SSPN: variants seen among roughly 807,000 people sequenced by gnomAD.
The protein encoded by SSPN is K-ras oncogene-associated protein.
A neutral mutation model predicts 19.1 loss-of-function variants in SSPN; 15 were observed. That is an observed-to-expected ratio of 0.78 (90% CI 0.52 to 1.21). SSPN has a LOEUF of 1.21. Ranked by LOEUF, SSPN falls within the 50% of genes most tolerant of loss-of-function variation. The probability of loss-of-function intolerance (pLI) is 0.00; values close to 1 mark genes in which losing one functional copy is unlikely to be tolerated. For synonymous variants in SSPN, 147 were observed against 140.3 expected (o/e 1.05, Z -0.34); for missense variants, 291 against 314.0 (o/e 0.93, Z 0.55).
intron 1 of SSPN, 48 bp from the exon 2 acceptor site, chr12:26,224,245 G>A (rs750672202): frequency 8.1e-6 from 11 of 1,352,546 alleles, no homozygotes; most frequent in East Asian, 4.6e-5. Context: ...TCATTTGAAC[G>A]CACAACGTAC....
intron 1 of SSPN, among the ~76,000 whole-genome samples, chr12:26,140,558 C>CG (rs1236323067): frequency 2.0e-5 from 3 of 152,114 alleles, no homozygotes; most frequent in Non-Finnish European, 4.4e-5. Flanking sequence ...AAAGGGGCCG[C>CG]GGGGGAAGTG....
intron 1 of SSPN, chr12:26,134,844 C>T (rs1451008890): frequency 6.6e-6 from 1 of 152,150 alleles, no homozygotes; most frequent in African/African-American, 2.4e-5. Context: ...AAGTAGGTAC[C>T]ATGAAGGATC....
intron 1 of SSPN, among the ~76,000 whole-genome samples, chr12:26,215,075 G>A (rs529918055): frequency 6.6e-6 from 1 of 152,142 alleles, no homozygotes. Context: ...CTGTGCCTCA[G>A]TTCCTCTGGG....
At chr12:26,156,395 T>G (rs1565674034) in intron 1 of SSPN, among the ~76,000 whole-genome samples, 1 of 151,924 alleles carries the variant, frequency 6.6e-6, no homozygotes. Flanking sequence ...CCTCGAATGG[T>G]GGGGTAAAGA....
At chr12:26,151,852 G>C (rs1410986510) in intron 1 of SSPN, among the ~76,000 whole-genome samples, 1 of 152,096 alleles carries the variant, frequency 6.6e-6, no homozygotes, top group Non-Finnish European at 1.5e-5. Context: ...CTGCGTGGTA[G>C]AAAATAAAAA....
intron 1 of SSPN, among the ~76,000 whole-genome samples, chr12:26,176,478 G>T (rs577422428): frequency 1.2e-4 from 19 of 152,148 alleles, no homozygotes; most frequent in Non-Finnish European, 2.2e-4. Flanking sequence ...AAATAAAGAT[G>T]TTCAAACACT....
At chr12:26,175,700 G>T (rs1317272498) in intron 1 of SSPN, among the ~76,000 whole-genome samples, 1 of 152,054 alleles carries the variant, frequency 6.6e-6, no homozygotes, top group East Asian at 1.9e-4. Context: ...TCAACTGTGA[G>T]ATATGAATCT....
intron 1 of SSPN, among the ~76,000 whole-genome samples, chr12:26,135,773 C>A (rs1468927042): frequency 6.6e-6 from 1 of 152,226 alleles, no homozygotes; most frequent in African/African-American, 2.4e-5. Context: ...AAGCCATCAG[C>A]AGGCCTGGGT....
chr12:26,137,646 A>ATG (rs1193359140), intron 1 of SSPN, among the ~76,000 whole-genome samples: 9 of 38,300 alleles, frequency 2.3e-4, no homozygotes, highest in Non-Finnish European at 4.2e-4. Flanking sequence ...GTATATATAT[A>ATG]TATATATATA....
At chr12:26,214,070 C>T (rs1945021028) in intron 1 of SSPN, among the ~76,000 whole-genome samples, 1 of 152,124 alleles carries the variant, frequency 6.6e-6, no homozygotes, top group African/African-American at 2.4e-5. Context: ...AATTTGAGCA[C>T]AGTTTGAGTT....
chr12:26,138,286 C>G (rs545744407), intron 1 of SSPN, among the ~76,000 whole-genome samples: 2 of 152,316 alleles, frequency 1.3e-5, no homozygotes, highest in African/African-American at 4.8e-5. Flanking sequence ...AGAGGGCCAA[C>G]TGTATTTAAA....
chr12:26,231,356 C>CACTGT lies in SSPN; in HGVS notation c.*281_*282insCTGTA. ...AAAGAATGGCATAGATCTATCTTTA[C>CACTGT]AGTCTGGAGTTAATTCCTGTTAACT... On this transcript the variant is annotated 3_prime_UTR_variant, in exon 3 of 3. Transcript: ENST00000242729. 1 of 329,684 alleles carries CACTGT rather than the reference C, an allele frequency of 3.0e-6. No homozygotes were observed. Among genetic ancestry groups the CACTGT allele is most frequent in the South Asian group, 4.8e-5 (1 of 20,710 alleles). The allele number at this position is 329,684 out of a possible 1,614,324, so 20.4% of individuals were successfully genotyped here.
intron 1 of SSPN, among the ~76,000 whole-genome samples, chr12:26,150,214 C>G (rs1038909044): frequency 2.0e-5 from 3 of 152,182 alleles, no homozygotes; most frequent in Non-Finnish European, 4.4e-5. Flanking sequence ...TCCGGAGCAG[C>G]TTGGGGGTGC....
intron 1 of SSPN, among the ~76,000 whole-genome samples, chr12:26,155,036 C>T (rs2137418917): frequency 6.6e-6 from 1 of 152,248 alleles, no homozygotes; most frequent in South Asian, 2.1e-4. Flanking sequence ...AGATCTCTAT[C>T]AGACTACTAG....
At chr12:26,150,069 C>T (rs1299760049) in intron 1 of SSPN, among the ~76,000 whole-genome samples, 1 of 152,108 alleles carries the variant, frequency 6.6e-6, no homozygotes, top group Non-Finnish European at 1.5e-5. Flanking sequence ...TGTTTCTGGC[C>T]GACTGAACAC....
chr12:26,123,227 C>A, intron 1 of SSPN: 7 of 1,512,112 alleles, frequency 4.6e-6, no homozygotes, highest in Non-Finnish European at 6.2e-6. Flanking sequence ...AAGAAACATA[C>A]CCACGTTAAA....
chr12:26,152,786 A>G (rs1944533102), intron 1 of SSPN, among the ~76,000 whole-genome samples: 1 of 152,068 alleles, frequency 6.6e-6, no homozygotes, highest in African/African-American at 2.4e-5. Context: ...AAACCCTTCA[A>G]CGTCTTCCTG....
rs144973748 is a variant in SSPN, at chr12:26,173,874, G to C, written c.-30-50419G>C. On this transcript the variant is annotated intron_variant, in intron 1 of 2. Coordinates refer to the SSPN transcript ENST00000538142. ...ATTAAACTTAAATAGTGTCTTCAAGGATGAATGAAGCAATGAAGATTTATT... is the reference window on the plus strand; with the variant it reads ...ATTAAACTTAAATAGTGTCTTCAAGCATGAATGAAGCAATGAAGATTTATT... Among the ~76,000 whole-genome samples the C allele has an allele frequency of 3.1e-3, 477 of 152,254 alleles. 3 individuals are homozygous for C. The highest frequency in any genetic ancestry group is 5.7e-3 in the Non-Finnish European group (386 of 68,014).
At position 26,195,771 on chromosome 12, in the gene SSPN, G is replaced by T. The variant is rs1424211487; in HGVS notation, c.99G>T (p.Thr33=). ...GPDDMEPKKG[T]GAPKECGEEE... ...ACGACATGGAGCCGAAGAAGGGCAC[G>T]GGGGCCCCCAAGGAGTGCGGGGAGG... The change falls in exon 1 of 3, where the codon ACG becomes ACT. Residue 33 remains threonine, a synonymous_variant. Transcript: ENST00000242729. 6.6e-7 allele frequency: 1 copy of T among 1,504,908 alleles called. No homozygotes were observed. Among genetic ancestry groups the T allele is most frequent in the Admixed American group, 2.2e-5 (1 of 46,422 alleles). 93.2% of individuals were successfully genotyped at this position (1,504,908 alleles called of 1,614,324 possible).
Sources: allele counts gnomAD v4.1 joint callset (sites outside exome capture counted in the v4.1 genomes callset), GRCh38; gene constraint gnomAD v4.1.1; transcripts MANE v1.5; gene names NCBI Gene and HGNC (gene_info 2026-07-23, HGNC 2026-07-21).